Variants in COG5 observed in about 807,000 individuals in gnomAD.
COG5 encodes the protein component of oligomeric golgi complex 5, also known as conserved oligomeric Golgi complex subunit 5.
Under a neutral mutation model 110.4 loss-of-function variants are expected in COG5, and 86 were observed. That is an observed-to-expected ratio of 0.78 (90% confidence interval 0.65 to 0.93). The LOEUF (loss-of-function observed/expected upper bound fraction) is 0.93. Ranked by LOEUF, COG5 falls within the 40% of genes least tolerant of loss-of-function variation. COG5 has a pLI of 0.00. For missense variants in COG5, 1,077 were observed against 987.0 expected, an observed-to-expected ratio of 1.09 and a Z score of -1.22; for synonymous variants, 360 against 334.6, an observed-to-expected ratio of 1.08 and a Z score of -0.83.
chr7:107,541,952 C>T (rs1324612690), intron 5 of COG5, among the ~76,000 whole-genome samples: 1 of 147,452 alleles, frequency 6.8e-6, no homozygotes, highest in Non-Finnish European at 1.5e-5. Flanking sequence ...AAAAAAAAAA[C>T]TATAAAAACA....
intron 8 of COG5, 98 bp downstream of exon 8, chr7:107,372,497 T>G (rs1814265700): frequency 8.9e-7 from 1 of 1,129,626 alleles, no homozygotes; most frequent in African/African-American, 1.6e-5. Flanking sequence ...AAAAAATGAG[T>G]CATTAGATTG....
chr7:107,434,692 T>A (rs184700525), intron 6 of COG5, among the ~76,000 whole-genome samples: 1 of 152,254 alleles, frequency 6.6e-6, no homozygotes, highest in East Asian at 1.9e-4. Flanking sequence ...CAAAATTGGC[T>A]GGGCGCGGTG....
At chr7:107,286,116 T>C (rs1435123532) in intron 12 of COG5, among the ~76,000 whole-genome samples, 3 of 152,020 alleles carry the variant, frequency 2.0e-5, no homozygotes. Context: ...ATTGTGTAGA[T>C]TTTCAGGGAA....
At chr7:107,342,671 C>T (rs1469284559) in intron 10 of COG5, among the ~76,000 whole-genome samples, 4 of 152,064 alleles carry the variant, frequency 2.6e-5, no homozygotes, top group Middle Eastern at 3.4e-3. Context: ...GAGCGAGACT[C>T]TGTCTCAAAA....
chr7:107,287,760 G>A (rs1805766213), intron 12 of COG5, among the ~76,000 whole-genome samples: 1 of 152,064 alleles, frequency 6.6e-6, no homozygotes, highest in Admixed American at 6.5e-5. Context: ...GTATGTGTGT[G>A]TTTTACTGTC....
At chr7:107,452,991 A>G (rs1400753936) in intron 6 of COG5, among the ~76,000 whole-genome samples, 1 of 152,148 alleles carries the variant, frequency 6.6e-6, no homozygotes, top group Non-Finnish European at 1.5e-5. Context: ...CTTATACTTA[A>G]TCTTTAGTAC....
intron 10 of COG5, among the ~76,000 whole-genome samples, chr7:107,347,093 G>C (rs1412624866): frequency 1.3e-5 from 2 of 152,136 alleles, no homozygotes; most frequent in African/African-American, 4.8e-5. Flanking sequence ...CAAAGAGAGA[G>C]AGACAAACAG....
chr7:107,526,167 C>T lies in COG5; in HGVS notation c.538+1070G>A, dbSNP rs1004284719. 2.0e-5 allele frequency among the ~76,000 whole-genome samples: 3 copies of T among 152,266 alleles called. No homozygotes were observed. The East Asian group carries it at 5.8e-4, about 29-fold the overall frequency. On this transcript the variant is annotated intron_variant, in intron 6 of 21. Coordinates refer to ENST00000297135, the MANE Select transcript of COG5 (RefSeq NM_006348.5). Reference sequence around the variant, plus strand: ...TTTTGGCATAACTGCTTTCAAAGCACAATAGCAAGAGTAAGCAGACTCTTG... The same window carrying T: ...TTTTGGCATAACTGCTTTCAAAGCATAATAGCAAGAGTAAGCAGACTCTTG...
At chr7:107,278,647 T>C (rs1360764494) in intron 14 of COG5, among the ~76,000 whole-genome samples, 1 of 152,154 alleles carries the variant, frequency 6.6e-6, no homozygotes, top group Non-Finnish European at 1.5e-5. Flanking sequence ...TCTACAACCA[T>C]CTGATCTTTC....
chr7:107,443,146 A>C (rs1298719733), intron 6 of COG5, among the ~76,000 whole-genome samples: 5 of 152,318 alleles, frequency 3.3e-5, no homozygotes, highest in African/African-American at 1.2e-4. Context: ...AAGGTGGTAT[A>C]TCCATACATG....
intron 21 of COG5, among the ~76,000 whole-genome samples, chr7:107,204,061 G>A (rs183900162): frequency 8.5e-4 from 130 of 152,252 alleles, no homozygotes; most frequent in Non-Finnish European, 1.6e-3. Context: ...TGGCACATTC[G>A]GTAACACCAG....
At chr7:107,262,488 T>C (rs113403247) in intron 14 of COG5, among the ~76,000 whole-genome samples, 16 of 152,210 alleles carry the variant, frequency 1.1e-4, no homozygotes, top group South Asian at 2.1e-4. Context: ...AGAATACATA[T>C]ATTCATGGTC....
At chr7:107,425,364 G>A (rs1298773433) in intron 6 of COG5, among the ~76,000 whole-genome samples, 1 of 149,802 alleles carries the variant, frequency 6.7e-6, no homozygotes, top group Non-Finnish European at 1.5e-5. Flanking sequence ...AAAAAGATGA[G>A]GAAGATACAC....
rs551786830 is a variant in COG5, at chr7:107,438,207, G to C, written c.539-25575C>G. 3.3e-5 allele frequency among the ~76,000 whole-genome samples: 5 copies of C among 152,198 alleles called. No individual in the cohort carries two copies. The East Asian group carries it at 5.8e-4, about 18-fold the overall frequency. On this transcript the variant is annotated intron_variant, in intron 6 of 21. Transcript: ENST00000297135. ...TAAAGGCAATTAAGAAGCAGCAAAT[G>C]GACTAAGGGCTCTTTCTATCCTCCA...
At chr7:107,309,890 T>C (rs1001827343) in intron 11 of COG5, among the ~76,000 whole-genome samples, 23 of 152,192 alleles carry the variant, frequency 1.5e-4, no homozygotes, top group African/African-American at 5.3e-4. Flanking sequence ...GTATTCTTCA[T>C]ACCCAACCCC....
At chr7:107,494,662 A>T (rs1229311222) in intron 6 of COG5, among the ~76,000 whole-genome samples, 1 of 152,202 alleles carries the variant, frequency 6.6e-6, no homozygotes, top group Non-Finnish European at 1.5e-5. Flanking sequence ...TCACCTAAAG[A>T]CACATTTCTC....
At chr7:107,416,502 T>C (rs1470648222) in intron 6 of COG5, among the ~76,000 whole-genome samples, 1 of 152,170 alleles carries the variant, frequency 6.6e-6, no homozygotes, top group Non-Finnish European at 1.5e-5. Context: ...TTAGCAGAGA[T>C]AGCAGATACG....
At chr7:107,208,907 C>A (rs1798960816) in intron 21 of COG5, 1 of 985,300 alleles carries the variant, frequency 1.0e-6, no homozygotes, top group Non-Finnish European at 1.2e-6. Context: ...TGAAATATGA[C>A]CCACTATGGC....
intron 10 of COG5, among the ~76,000 whole-genome samples, chr7:107,348,337 T>C (rs573359156): frequency 1.1e-4 from 16 of 151,892 alleles, no homozygotes; most frequent in South Asian, 2.1e-4. Flanking sequence ...ACAGAAAGAG[T>C]TGGGCAAGGG....
Sources: gnomAD v4.1 joint callset for allele counts (sites outside exome capture counted in the v4.1 genomes callset) on GRCh38, gnomAD v4.1.1 for gene constraint, MANE v1.5 for transcripts, NCBI Gene and HGNC (gene_info 2026-07-23, HGNC 2026-07-21) for gene names.